SCN1A: variants seen among roughly 807,000 people sequenced by gnomAD.
The protein encoded by SCN1A is sodium channel protein type 1 subunit alpha.
SCN1A carries 13 observed loss-of-function variants against 193.7 expected under a neutral mutation model. The observed-to-expected ratio is 0.07, with a 90% CI of 0.04 to 0.11. The LOEUF is 0.11. SCN1A is among the 10% of genes least tolerant of loss of function. The probability of loss-of-function intolerance (pLI) is 1.00; values close to 1 mark genes in which losing one functional copy is unlikely to be tolerated. For missense variants in SCN1A, 1,432 were observed against 2,451.1 expected, an observed-to-expected ratio of 0.58 and a Z score of 8.78; for synonymous variants, 781 against 843.6, an observed-to-expected ratio of 0.93 and a Z score of 1.29.
chr2:166,058,778 T>G, intron 4 of SCN1A, 90 bp from the exon 5 acceptor site: 1 of 805,084 alleles, frequency 1.2e-6, no homozygotes, highest in Non-Finnish European at 2.2e-6. Flanking sequence ...TAATAAATTA[T>G]TGTAAAGTTA....
upstream of SCN1A, among the ~76,000 whole-genome samples, chr2:166,131,372 T>TTGTAAGACTCCGTCTC (rs556471252): frequency 4.3e-3 from 653 of 152,210 alleles, 10 homozygotes; most frequent in African/African-American, 0.014. Context: ...CATTTAGTCT[T>TTGTAAGACTCCGTCTC]TGTAAGACTC....
In SCN1A at chr2:165,986,593, T is replaced by C. The variant is rs955679099; in HGVS notation, c.*4652A>G. The stretch of plus-strand genomic sequence containing the variant: ...AAAAACCAGTATATATTGAATTAAT[T>C]ACCAACAGTAGATCTAATTTTGAAG... On this transcript the variant is annotated 3_prime_UTR_variant, in exon 29 of 29. Transcript: ENST00000674923. The C allele has an allele frequency of 1.3e-5, 2 of 151,418 alleles. No homozygotes were observed. Among genetic ancestry groups the C allele is most frequent in the Non-Finnish European group, 2.9e-5 (2 of 67,938 alleles). The allele number at this position is 151,418 out of a possible 1,614,324, so 9.4% of individuals were successfully genotyped here.
chr2:166,077,175 A>G (rs953951053), intron 3 of SCN1A: 5 of 151,738 alleles, frequency 3.3e-5, no homozygotes, highest in Non-Finnish European at 5.9e-5. Flanking sequence ...TAGATATAAC[A>G]CCAAAGGCAC....
Position 165,991,938 on chromosome 2 carries a change from G to A in SCN1A, c.5337C>T (p.Asn1779=). 1 of 1,613,878 alleles carries A rather than the reference G, an allele frequency of 6.2e-7. No individual in the cohort carries two copies. Among genetic ancestry groups the A allele is most frequent in the Non-Finnish European group, 8.5e-7 (1 of 1,179,926 alleles). Residue 1779 remains asparagine, a synonymous_variant, in exon 29 of 29, where the codon AAC becomes AAT. Coordinates refer to ENST00000674923, the MANE Select transcript of SCN1A (RefSeq NM_001165963.4). Reference sequence around the variant, plus strand: ...TCTCCAGGATGACCGCGATGTACATGTTCACCACAACCAGGAAGGATATGA... The same window carrying A: ...TCTCCAGGATGACCGCGATGTACATATTCACCACAACCAGGAAGGATATGA... ...YIIISFLVVV[N]MYIAVILENF...
At chr2:166,021,012 C>T (rs1693992798) in intron 19 of SCN1A, among the ~76,000 whole-genome samples, 2 of 152,168 alleles carry the variant, frequency 1.3e-5, no homozygotes, top group South Asian at 4.1e-4. Flanking sequence ...GAAGTGTATA[C>T]ATCTTTCAGG....
rs114942290 is a variant in SCN1A, at chr2:166,123,764, A to G, written c.-142+3160T>C. 4.5e-3 allele frequency among the ~76,000 whole-genome samples: 689 copies of G among 152,288 alleles called. 4 individuals carry two copies. The highest frequency in any genetic ancestry group is 7.6e-3 in the Non-Finnish European group (519 of 68,028). On this transcript the variant is annotated intron_variant, in intron 2 of 28. Transcript: ENST00000674923. ...ATTGAATGTTTTAAATTTATTTGACATAACTCTTTGATTTGTTTTTTTAAA... is the reference window on the plus strand; with the variant it reads ...ATTGAATGTTTTAAATTTATTTGACGTAACTCTTTGATTTGTTTTTTTAAA...
chr2:166,101,618 A>G (rs1688092740), intron 2 of SCN1A, among the ~76,000 whole-genome samples: 2 of 152,180 alleles, frequency 1.3e-5, no homozygotes, highest in Admixed American at 6.5e-5. Flanking sequence ...GATAATAGCA[A>G]GCAAGGCAGA....
At position 166,118,298 on chromosome 2, in the gene SCN1A, G is replaced by GCTTCTTTTTTTTTTTTTTTTTTTTTTTTT. The variant is rs371947861; in HGVS notation, c.-142+8625_-142+8626insAAAAAAAAAAAAAAAAAAAAAAAAAGAAG. ...TTCTTTGCTTACTGATTTCTATTTA[G>GCTTCTTTTTTTTTTTTTTTTTTTTTTTTT]TTTCTTTTTTTTTTTTTTTTTTTTT... is the stretch of plus-strand genomic sequence containing the variant. On this transcript the variant is annotated intron_variant, in intron 2 of 28. Transcript: ENST00000674923. Among the ~76,000 whole-genome samples, 48 of 44,732 alleles carry GCTTCTTTTTTTTTTTTTTTTTTTTTTTTT rather than the reference G, an allele frequency of 1.1e-3. 20 individuals carry two copies. The highest frequency in any genetic ancestry group is 3.0e-3 in the East Asian group (4 of 1,354). The allele number at this position is 44,732 out of a possible 152,430, so 29.3% of individuals were successfully genotyped here.
Position 165,992,746 on chromosome 2 carries a change from G to C in SCN1A, c.4853-324C>G. Reference sequence around the variant, plus strand: ...AAAATGCACATTTGGCCGAACAGTAGCAGCCCAACAGTATAGGTACAAGTT... The same window carrying C: ...AAAATGCACATTTGGCCGAACAGTACCAGCCCAACAGTATAGGTACAAGTT... On this transcript the variant is annotated intron_variant, in intron 28 of 28. Transcript: ENST00000674923. This position sits in a 1 kb window ranked among gnomAD's most constrained non-coding sequence, Gnocchi z 6.5. The C allele has an allele frequency of 6.1e-6, 1 of 162,828 alleles. No individual in the cohort carries two copies. The highest frequency in any genetic ancestry group is 1.3e-5 in the Non-Finnish European group (1 of 76,942). 10.1% of individuals were successfully genotyped at this position (162,828 alleles called of 1,614,324 possible). A position where few individuals can be genotyped will look rare whatever the true frequency, so the allele number is the denominator to read the frequency against.
At chr2:166,009,015 G>A (rs1299444709) in intron 23 of SCN1A, among the ~76,000 whole-genome samples, 1 of 150,990 alleles carries the variant, frequency 6.6e-6, no homozygotes, top group East Asian at 1.9e-4. Flanking sequence ...ATAACATTTT[G>A]TGTGACTCTG....
rs560882795 is a variant in SCN1A, at chr2:166,007,055, G to GT, written c.4002+2663dup. Among the ~76,000 whole-genome samples, 5,573 of 140,670 alleles carry GT rather than the reference G, an allele frequency of 0.04. 343 individuals carry two copies. The highest frequency in any genetic ancestry group is 0.13 in the African/African-American group (5,034 of 38,902). The allele number at this position is 140,670 out of a possible 152,430, so 92.3% of individuals were successfully genotyped here. A position where few individuals can be genotyped will look rare whatever the true frequency, so the allele number is the denominator to read the frequency against. On this transcript the variant is annotated intron_variant, in intron 23 of 28. Coordinates refer to ENST00000674923, the MANE Select transcript of SCN1A (RefSeq NM_001165963.4). Reference sequence around the variant, plus strand: ...ATCCACAGAGGGTAAATTCATAAAGGTTTTTTTTTTTTTCAAATGAAATTT... The same window carrying GT: ...ATCCACAGAGGGTAAATTCATAAAGGTTTTTTTTTTTTTTCAAATGAAATTT...
intron 5 of SCN1A, among the ~76,000 whole-genome samples, chr2:166,057,267 T>C (rs1247470139): frequency 6.6e-6 from 1 of 152,040 alleles, no homozygotes; most frequent in Non-Finnish European, 1.5e-5. Flanking sequence ...AGTTAATGTA[T>C]TGGAAATGCT....
chr2:166,053,162 T>G, intron 7 of SCN1A: 1 of 940,248 alleles, frequency 1.1e-6, no homozygotes, highest in Non-Finnish European at 1.7e-6. Flanking sequence ...ATTCAAGATT[T>G]TAGCAGGATT....
chr2:166,130,362 C>T (rs1055930504), upstream of SCN1A, among the ~76,000 whole-genome samples: 5 of 152,170 alleles, frequency 3.3e-5, no homozygotes, highest in Non-Finnish European at 7.3e-5. Flanking sequence ...CAAAACCCTC[C>T]CTTTGTGGAG....
intron 1 of SCN1A, among the ~76,000 whole-genome samples, chr2:166,138,611 C>G (rs113881910): frequency 6.6e-6 from 1 of 152,184 alleles, no homozygotes; most frequent in Non-Finnish European, 1.5e-5. Flanking sequence ...TGTATGGAAA[C>G]GCCTGGATGC....
chr2:166,099,426 G>T (rs1344820038), intron 2 of SCN1A, among the ~76,000 whole-genome samples: 2 of 149,432 alleles, frequency 1.3e-5, no homozygotes, highest in African/African-American at 5.0e-5. Flanking sequence ...GCAAAAACTG[G>T]AAGCATTCCC....
intron 2 of SCN1A, among the ~76,000 whole-genome samples, chr2:166,120,373 GT>G (rs924078020): frequency 6.7e-6 from 1 of 149,380 alleles, no homozygotes; most frequent in Non-Finnish European, 1.5e-5. Flanking sequence ...AAACATGTTT[GT>G]TTTTTTTCCG....
intron 9 of SCN1A, among the ~76,000 whole-genome samples, chr2:166,051,154 A>G (rs985548113): frequency 6.6e-6 from 1 of 152,040 alleles, no homozygotes; most frequent in Non-Finnish European, 1.5e-5. Flanking sequence ...TGAATTCTTC[A>G]GCCTTCCAAA....
intron 2 of SCN1A, among the ~76,000 whole-genome samples, chr2:166,086,171 C>T (rs1210751260): frequency 1.3e-5 from 2 of 152,072 alleles, no homozygotes; most frequent in Non-Finnish European, 2.9e-5. Flanking sequence ...CTTATAACCC[C>T]TCCCTCACTA....
Sources: allele counts gnomAD v4.1 joint callset (sites outside exome capture counted in the v4.1 genomes callset), GRCh38; gene constraint gnomAD v4.1.1; non-coding constraint Gnocchi (gnomAD v3.1); transcripts MANE v1.5; gene names NCBI Gene and HGNC (gene_info 2026-07-23, HGNC 2026-07-21).